Variants in RBFOX3 observed in about 807,000 individuals in gnomAD.
RBFOX3 encodes RNA binding protein fox-1 homolog 3.
A neutral mutation model predicts 48.7 loss-of-function variants in RBFOX3; 17 were observed. The observed-to-expected ratio is 0.35, with a 90% CI of 0.24 to 0.52. The LOEUF is 0.52. Ranked by LOEUF, RBFOX3 falls within the 20% of genes least tolerant of loss-of-function variation. The pLI is 0.94. For missense variants in RBFOX3, 382 were observed against 497.5 expected (o/e 0.77, Z 2.21); for synonymous variants, 212 against 209.5 (o/e 1.01, Z -0.10).
intron 14 of RBFOX3, among the ~76,000 whole-genome samples, chr17:79,091,152 G>T (rs1192588915): frequency 6.6e-6 from 1 of 152,222 alleles, no homozygotes; most frequent in Non-Finnish European, 1.5e-5. Context: ...GGAGAGGCTG[G>T]GCCAGCACAG....
chr17:79,498,243 C>T (rs1206011428), intron 1 of RBFOX3, among the ~76,000 whole-genome samples: 3 of 152,154 alleles, frequency 2.0e-5, no homozygotes, highest in Non-Finnish European at 4.4e-5. Context: ...CATAGGAACT[C>T]GTTTTCCTTT....
At chr17:79,591,357 G>T (rs1040490553) in intron 1 of RBFOX3, among the ~76,000 whole-genome samples, 1 of 152,056 alleles carries the variant, frequency 6.6e-6, no homozygotes, top group Admixed American at 6.5e-5. Flanking sequence ...TGCCACTCTA[G>T]ATTTCCTGGG....
intron 4 of RBFOX3, among the ~76,000 whole-genome samples, chr17:79,165,303 T>G (rs1167223873): frequency 6.6e-6 from 1 of 152,226 alleles, no homozygotes; most frequent in Admixed American, 6.5e-5. Flanking sequence ...GTTTCTCATT[T>G]GAAAGTTAAT....
intron 2 of RBFOX3, among the ~76,000 whole-genome samples, chr17:79,455,488 C>T (rs554480464): frequency 4.0e-4 from 61 of 152,246 alleles, no homozygotes; most frequent in African/African-American, 1.4e-3. Flanking sequence ...CGGGAGCTGC[C>T]ACCACAGAGC....
intron 1 of RBFOX3, among the ~76,000 whole-genome samples, chr17:79,587,655 C>G (rs2093295128): frequency 6.6e-6 from 1 of 152,162 alleles, no homozygotes; most frequent in South Asian, 2.1e-4. Flanking sequence ...GCAGGCTGGC[C>G]AGAAAGCTTC....
rs541811254 is a variant in RBFOX3 at position 79,207,768 on chromosome 17, G to T, written c.-34+27998C>A. On this transcript the variant is annotated intron_variant, in intron 4 of 14. Transcript: ENST00000693108. ...TCCCGTCGGCCACTTGGAGACTGGG[G>T]TGCACACCAGGGCACCTCCAGGCAG... Among the ~76,000 whole-genome samples the T allele has an allele frequency of 7.9e-5, 12 of 152,242 alleles. No homozygotes were observed. The South Asian group carries it at 1.5e-3, about 18-fold the overall frequency.
chr17:79,532,631 C>G (rs2150096157), intron 1 of RBFOX3, among the ~76,000 whole-genome samples: 1 of 152,360 alleles, frequency 6.6e-6, no homozygotes, highest in Non-Finnish European at 1.5e-5. Context: ...ACAGAGCTCG[C>G]TCTCCAGGAA....
At chr17:79,140,545 T>C (rs984514129) in intron 4 of RBFOX3, among the ~76,000 whole-genome samples, 5 of 152,190 alleles carry the variant, frequency 3.3e-5, no homozygotes, top group African/African-American at 7.2e-5. Flanking sequence ...GCGGTGACAG[T>C]CCCTGGTTTT....
intron 3 of RBFOX3, among the ~76,000 whole-genome samples, chr17:79,276,472 G>A (rs1448111126): frequency 6.6e-6 from 1 of 152,116 alleles, no homozygotes; most frequent in East Asian, 1.9e-4. Flanking sequence ...GATCACCTGA[G>A]GTCAGGAGTT....
intron 2 of RBFOX3, among the ~76,000 whole-genome samples, chr17:79,427,764 CCTG>C (rs1555726342): frequency 6.6e-6 from 1 of 152,278 alleles, no homozygotes; most frequent in African/African-American, 2.4e-5. Context: ...ACAAACCCCA[CCTG>C]CACACGCACA....
At chr17:79,393,581 C>A (rs1395355742) in intron 2 of RBFOX3, among the ~76,000 whole-genome samples, 3 of 152,158 alleles carry the variant, frequency 2.0e-5, no homozygotes, top group African/African-American at 7.2e-5. Flanking sequence ...CGGAGCTGGT[C>A]ATCAATGAAC....
chr17:79,398,674 C>T (rs12602685), intron 2 of RBFOX3, among the ~76,000 whole-genome samples: 2 of 152,216 alleles, frequency 1.3e-5, no homozygotes, highest in African/African-American at 4.8e-5. Flanking sequence ...GTAGCAGCAG[C>T]GCTGAGGCTG....
At chr17:79,561,526 G>C (rs1212240982) in intron 1 of RBFOX3, among the ~76,000 whole-genome samples, 5 of 152,184 alleles carry the variant, frequency 3.3e-5, no homozygotes, top group African/African-American at 1.2e-4. Context: ...CCACACCCCA[G>C]CTCCACGAGG....
chr17:79,096,548 G>C lies in RBFOX3; in HGVS notation c.936+105C>G. On this transcript the variant is annotated intron_variant, in intron 12 of 14. Coordinates refer to ENST00000693108, the MANE Select transcript of RBFOX3 (RefSeq NM_001350451.2). ...GCCCTCCTGGCTTCAAGGGTGGGAT[G>C]GGATGGGATGGGAGGAGCGGGCAGT... 3 of 1,001,764 alleles carry C rather than the reference G, an allele frequency of 3.0e-6. No individual in the cohort carries two copies. In the East Asian group the frequency reaches 7.8e-5, roughly 26 times the overall value. The allele number at this position is 1,001,764 out of a possible 1,614,324, so 62.1% of individuals were successfully genotyped here. A position where few individuals can be genotyped will look rare whatever the true frequency, so the allele number is the denominator to read the frequency against.
intron 3 of RBFOX3, among the ~76,000 whole-genome samples, chr17:79,264,974 G>A (rs946667268): frequency 3.3e-5 from 5 of 152,064 alleles, no homozygotes; most frequent in African/African-American, 1.2e-4. Context: ...GAGGGGGGGG[G>A]GGCGCAGATT....
rs902614688 is a variant in RBFOX3, at chr17:79,471,769, G to T, written c.-175+10685C>A. Among the ~76,000 whole-genome samples the T allele has an allele frequency of 1.3e-5, 2 of 152,156 alleles. No individual in the cohort carries two copies. Among genetic ancestry groups the T allele is most frequent in the African/African-American group, 2.4e-5 (1 of 41,430 alleles). ...GCAGAGCCTGGGTGGACGCAGGCAG[G>T]TTAGCTATCCCAGCCCTATGCATCA... On this transcript the variant is annotated intron_variant, in intron 2 of 14. Coordinates refer to ENST00000693108, the MANE Select transcript of RBFOX3 (RefSeq NM_001350451.2). This position sits in a 1 kb window ranked among gnomAD's most constrained non-coding sequence, Gnocchi z 4.0.
chr17:79,638,445 G>A, the RBFOX3 span, among the ~76,000 whole-genome samples: 1 of 152,004 alleles, frequency 6.6e-6, no homozygotes, highest in East Asian at 1.9e-4. Flanking sequence ...GATTATAAGG[G>A]ACTATCATGT....
At chr17:79,304,418 C>T (rs1345285348) in intron 3 of RBFOX3, among the ~76,000 whole-genome samples, 4 of 148,784 alleles carry the variant, frequency 2.7e-5, no homozygotes, top group Non-Finnish European at 5.9e-5. Context: ...CATATATGTA[C>T]ATATATATTT....
At chr17:79,313,206 G>C (rs1225202278) in intron 2 of RBFOX3, among the ~76,000 whole-genome samples, 1 of 152,184 alleles carries the variant, frequency 6.6e-6, no homozygotes, top group Non-Finnish European at 1.5e-5. Context: ...CCAGGCTCTT[G>C]CATACCCCAC....
Sources: gnomAD v4.1 joint callset for allele counts (sites outside exome capture counted in the v4.1 genomes callset) on GRCh38, gnomAD v4.1.1 for gene constraint, Gnocchi (gnomAD v3.1) non-coding constraint, MANE v1.5 for transcripts, NCBI Gene and HGNC (gene_info 2026-07-23, HGNC 2026-07-21) for gene names.